CNTN4: variants seen among roughly 807,000 people sequenced by gnomAD.
CNTN4 encodes contactin 4.
Under a neutral mutation model 122.5 loss-of-function variants are expected in CNTN4, and 77 were observed. That is an observed-to-expected ratio of 0.63 (90% CI 0.52 to 0.76). CNTN4 has a LOEUF of 0.76. CNTN4 is among the 30% of genes least tolerant of loss of function. CNTN4 has a pLI of 0.00. For missense variants in CNTN4, 1,256 were observed against 1,259.1 expected (o/e 1.00, Z 0.04); for synonymous variants, 512 against 447.0 (o/e 1.15, Z -1.83).
Position 3,040,388 on chromosome 3 carries a change from T to G in CNTN4, c.2398+117T>G, listed in dbSNP as rs1325530144. 6.3e-6 allele frequency: 5 copies of G among 789,410 alleles called. No individual in the cohort carries two copies. The East Asian group carries it at 1.3e-4, about 21-fold the overall frequency. The allele number at this position is 789,410 out of a possible 1,614,324, so 48.9% of individuals were successfully genotyped here. ...CATGTATCTTGAAGGCATACCTGAT[T>G]TGAGAAGAGGATAATGTAAACAATT... On this transcript the variant is annotated intron_variant, in intron 20 of 24. Coordinates refer to ENST00000418658, the MANE Select transcript of CNTN4 (RefSeq NM_175607.3).
intron 24 of CNTN4, among the ~76,000 whole-genome samples, chr3:3,055,207 T>A (rs1405180940): frequency 6.6e-6 from 1 of 152,160 alleles, no homozygotes; most frequent in Non-Finnish European, 1.5e-5. Context: ...GGAGCTAGAT[T>A]TTTGGTGAGA....
intron 2 of CNTN4, among the ~76,000 whole-genome samples, chr3:2,287,649 GAA>G (rs2041959751): frequency 9.4e-5 from 2 of 21,302 alleles, no homozygotes; most frequent in Admixed American, 5.8e-4. Context: ...AGAAGAAGAA[GAA>G]GAAGAAGAAG....
At chr3:2,878,606 TCTAG>T (rs2093873577) in intron 8 of CNTN4, among the ~76,000 whole-genome samples, 2 of 151,944 alleles carry the variant, frequency 1.3e-5, no homozygotes, top group Non-Finnish European at 2.9e-5. Flanking sequence ...TGTCTGTCTG[TCTAG>T]CTAGCTAGCT....
intron 2 of CNTN4, among the ~76,000 whole-genome samples, chr3:2,331,941 G>T (rs1479399341): frequency 1.3e-5 from 2 of 152,126 alleles, no homozygotes; most frequent in African/African-American, 4.8e-5. Context: ...TGTTTGTAAG[G>T]CGATTCTCCT....
In CNTN4 at chr3:2,716,320, TATATG is replaced by T. The variant is rs531590296; in HGVS notation, c.56-19890_56-19886del. 3.0e-4 allele frequency among the ~76,000 whole-genome samples: 45 copies of T among 151,328 alleles called. 2 individuals carry two copies. In the East Asian group the frequency reaches 7.2e-3, roughly 24 times the overall value. On this transcript the variant is annotated intron_variant, in intron 4 of 24. Transcript: ENST00000418658. ...ATTATCATATATCATTATTGTATAT[TATATG>T]ATATATCTAATATTATTATATTATT...
At chr3:2,950,156 A>T (rs906004127) in intron 13 of CNTN4, among the ~76,000 whole-genome samples, 1 of 152,226 alleles carries the variant, frequency 6.6e-6, no homozygotes, top group Non-Finnish European at 1.5e-5. Context: ...AAATGGATGT[A>T]TCCCCTCCAG....
intron 2 of CNTN4, among the ~76,000 whole-genome samples, chr3:2,149,084 G>C (rs985013834): frequency 6.6e-6 from 1 of 152,000 alleles, no homozygotes; most frequent in Non-Finnish European, 1.5e-5. Flanking sequence ...TTGATTCTAA[G>C]AGTTTTTGTG....
chr3:2,310,327 A>G (rs1451277222), intron 2 of CNTN4, among the ~76,000 whole-genome samples: 1 of 152,152 alleles, frequency 6.6e-6, no homozygotes, highest in Non-Finnish European at 1.5e-5. Context: ...CCAGGCTAAC[A>G]TTGGCTATGA....
At position 2,598,554 on chromosome 3, in the gene CNTN4, A is replaced by T. The variant is rs563207759; in HGVS notation, c.55+26996A>T. The stretch of plus-strand genomic sequence containing the variant: ...TTTTTGCACACATTCACATATATAT[A>T]TTTTTAATATGGTACTTGAACTGCA... On this transcript the variant is annotated intron_variant, in intron 4 of 24. Coordinates refer to ENST00000418658, the MANE Select transcript of CNTN4 (RefSeq NM_175607.3). Among the ~76,000 whole-genome samples, 218 of 152,264 alleles carry T rather than the reference A, an allele frequency of 1.4e-3. 2 individuals are homozygous for T. Among genetic ancestry groups the T allele is most frequent in the African/African-American group, 2.1e-3 (89 of 41,562 alleles).
intron 3 of CNTN4, among the ~76,000 whole-genome samples, chr3:2,416,011 A>T (rs2047398161): frequency 6.6e-6 from 1 of 152,192 alleles, no homozygotes; most frequent in Non-Finnish European, 1.5e-5. Context: ...TTAGTCAATC[A>T]ATAGCCATTT....
intron 3 of CNTN4, among the ~76,000 whole-genome samples, chr3:2,430,290 C>T (rs887643534): frequency 7.2e-5 from 11 of 151,786 alleles, no homozygotes; most frequent in South Asian, 4.2e-4. Flanking sequence ...GGCGTGGTGG[C>T]GGGCGCCTGT....
chr3:2,500,934 T>C (rs188259958), intron 3 of CNTN4, among the ~76,000 whole-genome samples: 83 of 152,292 alleles, frequency 5.5e-4, no homozygotes, highest in Non-Finnish European at 8.2e-4. Flanking sequence ...GTCCTCTTTT[T>C]TCCCCCCCGC....
intron 4 of CNTN4, among the ~76,000 whole-genome samples, chr3:2,583,039 A>G (rs548042016): frequency 6.6e-6 from 1 of 152,344 alleles, no homozygotes; most frequent in East Asian, 1.9e-4. Context: ...AAATCAATCT[A>G]AACTCCCCAG....
intron 4 of CNTN4, among the ~76,000 whole-genome samples, chr3:2,618,295 A>G (rs527977703): frequency 1.3e-5 from 2 of 152,268 alleles, no homozygotes; most frequent in South Asian, 4.1e-4. Context: ...ATATATGTAT[A>G]TGTGTGTATG....
chr3:2,626,513 A>G (rs1483858412), intron 4 of CNTN4, among the ~76,000 whole-genome samples: 1 of 152,004 alleles, frequency 6.6e-6, no homozygotes, highest in Non-Finnish European at 1.5e-5. Context: ...AAAACAACAA[A>G]AAACAAACAA....
chr3:2,879,643 C>T (rs1273695384), intron 8 of CNTN4, among the ~76,000 whole-genome samples: 1 of 151,718 alleles, frequency 6.6e-6, no homozygotes, highest in African/African-American at 2.4e-5. Context: ...AGAAAAAAAG[C>T]AAATGTACAG....
chr3:2,738,704 C>T (rs1237984987), intron 5 of CNTN4, among the ~76,000 whole-genome samples: 1 of 152,050 alleles, frequency 6.6e-6, no homozygotes, highest in East Asian at 1.9e-4. Context: ...AATGGATTGT[C>T]TATATGGTTA....
chr3:2,571,606 TCA>T (rs2079422220), intron 4 of CNTN4, 48 bp downstream of exon 4: 1 of 1,356,222 alleles, frequency 7.4e-7, no homozygotes, highest in Non-Finnish European at 1.1e-6. Flanking sequence ...CCACTGTATT[TCA>T]CACTAATTCA....
rs547976419 is a variant in CNTN4 at position 2,350,040 on chromosome 3, G to A, written c.-89+10807G>A. Among the ~76,000 whole-genome samples the A allele has an allele frequency of 2.6e-5, 4 of 152,258 alleles. No individual in the cohort carries two copies. The South Asian group carries it at 8.3e-4, about 32-fold the overall frequency. ...AGATCTATTTTGAAGTGAGACAGGC[G>A]CTTGTCTCAAAGGTCAGGGACTAAA... On this transcript the variant is annotated intron_variant, in intron 3 of 24. Transcript: ENST00000418658.
Sources: gnomAD v4.1 joint callset for allele counts (sites outside exome capture counted in the v4.1 genomes callset) on GRCh38, gnomAD v4.1.1 for gene constraint, MANE v1.5 for transcripts, NCBI Gene and HGNC (gene_info 2026-07-23, HGNC 2026-07-21) for gene names.